Variants in NBPF12 observed in about 807,000 individuals in gnomAD.
The protein encoded by NBPF12 is NBPF member 12.
Under a neutral mutation model 146.4 loss-of-function variants are expected in NBPF12, and 115 were observed. The ratio of observed to expected loss-of-function variants is 0.79; its 90% confidence interval spans 0.68 to 0.92. The LOEUF (loss-of-function observed/expected upper bound fraction) is 0.92, where lower values mean the gene tolerates loss of function less well. NBPF12 is among the 40% of genes least tolerant of loss of function. The probability of loss-of-function intolerance (pLI) is 0.00; values close to 1 mark genes in which losing one functional copy is unlikely to be tolerated. For synonymous variants in NBPF12, 385 were observed against 508.9 expected, an observed-to-expected ratio of 0.76 and a Z score of 3.28; for missense variants, 1,205 against 1,326.8, an observed-to-expected ratio of 0.91 and a Z score of 1.43.
intron 16 of NBPF12, among the ~76,000 whole-genome samples, chr1:146,976,382 G>A (rs1657018303): frequency 7.4e-6 from 1 of 135,404 alleles, no homozygotes; most frequent in Non-Finnish European, 1.5e-5. Flanking sequence ...ATGAGATGAA[G>A]CCCCTCTCCG....
exon 14 of NBPF12, chr1:146,972,859 G>C: frequency 2.4e-6 from 3 of 1,237,178 alleles, no homozygotes; most frequent in Non-Finnish European, 3.6e-6. Context: ...GAGAAGTTGC[G>C]CCCCCAGCTG....
rs1204055102 is a variant in NBPF12, at chr1:146,966,414, T to G, written c.779-50T>G. ...TCCCTCAGTCCTGATTAAGCCTACT[T>G]GATTTCACCAGTTTTTAACCCATCA... On this transcript the variant is annotated intron_variant, in intron 8 of 33. Transcript: ENST00000617844. 3.7e-6 allele frequency: 5 copies of G among 1,340,794 alleles called. No individual in the cohort carries two copies. The African/African-American group carries it at 5.8e-5, about 16-fold the overall frequency. 83.1% of individuals were successfully genotyped at this position (1,340,794 alleles called of 1,614,324 possible).
chr1:146,972,107 A>T (rs1288977381), intron 13 of NBPF12, among the ~76,000 whole-genome samples: 12 of 147,344 alleles, frequency 8.1e-5, no homozygotes, highest in Admixed American at 7.4e-4. Flanking sequence ...AAAAAAAGTA[A>T]GTCTCTGACC....
rs1469957558 is a variant in NBPF12 at position 146,942,321 on chromosome 1, A to G, written c.-821-970A>G. ...TTTTAATAATTTTTATATTTTTCTA[A>G]TTTAAAACAGGTACTAAAATTTCTT... On this transcript the variant is annotated intron_variant, in intron 1 of 35. Transcript: ENST00000617931. 6.0e-5 allele frequency among the ~76,000 whole-genome samples: 9 copies of G among 150,056 alleles called. 1 individual carries two copies. Among genetic ancestry groups the G allele is most frequent in the African/African-American group, 2.2e-4 (9 of 40,604 alleles).
Position 146,992,270 on chromosome 1 carries a change from CTG to C in NBPF12, c.3848+226_3848+227del, listed in dbSNP as rs1379535121. 5.2e-5 allele frequency among the ~76,000 whole-genome samples: 7 copies of C among 133,488 alleles called. 1 individual carries two copies. Among genetic ancestry groups the C allele is most frequent in the Non-Finnish European group, 9.5e-5 (6 of 62,960 alleles). 87.6% of individuals were successfully genotyped at this position (133,488 alleles called of 152,430 possible). On this transcript the variant is annotated intron_variant, in intron 31 of 33. Coordinates refer to ENST00000617844, the Ensembl canonical transcript of NBPF12. ...CTGCAGGTGGACCAGACTTCAAAAACTGTATTCTCATGGTGACTGCATGGAAA... is the reference window on the plus strand; with the variant it reads ...CTGCAGGTGGACCAGACTTCAAAAACTATTCTCATGGTGACTGCATGGAAA...
intron 2 of NBPF12, among the ~76,000 whole-genome samples, chr1:146,954,735 C>T (rs1326229955): frequency 2.0e-5 from 3 of 149,146 alleles, no homozygotes; most frequent in Non-Finnish European, 4.4e-5. Context: ...CAGAATTACT[C>T]TACATACAGC....
chr1:146,971,475 T>A, intron 13 of NBPF12, 81 bp downstream of exon 16: 2 of 1,116,472 alleles, frequency 1.8e-6, no homozygotes, highest in Non-Finnish European at 2.7e-6. Context: ...TATATACACA[T>A]ATTGTTATTG....
intron 8 of NBPF12, among the ~76,000 whole-genome samples, chr1:146,966,107 A>G (rs1656189054): frequency 6.6e-6 from 1 of 151,892 alleles, no homozygotes; most frequent in African/African-American, 2.4e-5. Context: ...ACTCCGTCTC[A>G]AACAGAAAAC....
intron 1 of NBPF12, among the ~76,000 whole-genome samples, chr1:146,940,959 A>G: frequency 6.6e-6 from 1 of 151,912 alleles, no homozygotes; most frequent in East Asian, 1.9e-4. Context: ...TTTTCTGTTG[A>G]TTTGTAATAC....
intron 31 of NBPF12, among the ~76,000 whole-genome samples, chr1:146,992,392 ACTCC>A (rs1658225224): frequency 8.5e-6 from 1 of 118,028 alleles, no homozygotes; most frequent in Admixed American, 9.8e-5. Context: ...GTGTCCTGTT[ACTCC>A]CTCATCAGTG....
chr1:146,995,459 G>C (rs1272397702), exon 34 of NBPF12: 17 of 121,430 alleles, frequency 1.4e-4, no homozygotes, highest in African/African-American at 4.8e-4. Flanking sequence ...AGATATTTTG[G>C]GTTGAAAAAA....
At chr1:146,944,690 G>GTC (rs1310788092), upstream of NBPF12, among the ~76,000 whole-genome samples, 1 of 151,408 alleles carries the variant, frequency 6.6e-6, no homozygotes, top group Non-Finnish European at 1.5e-5. Flanking sequence ...ACAGTAGTGC[G>GTC]TCTCTCTCTA....
intron 9 of NBPF12, among the ~76,000 whole-genome samples, chr1:146,967,486 G>A (rs1193086587): frequency 7.4e-5 from 11 of 149,452 alleles, no homozygotes; most frequent in Admixed American, 4.0e-4. Context: ...GGGTGACAGG[G>A]CAAGACTGTT....
chr1:146,973,208 C>T (rs1553886853), intron 14 of NBPF12, among the ~76,000 whole-genome samples: 24 of 33,622 alleles, frequency 7.1e-4, no homozygotes, highest in African/African-American at 1.8e-3. Flanking sequence ...TTTCTGACAC[C>T]GGCACAGAAT....
chr1:146,971,464 G>C lies in NBPF12; in HGVS notation c.1591+70G>C, dbSNP rs1371616426. On this transcript the variant is annotated intron_variant, in intron 13 of 33. Transcript: ENST00000617844. Reference sequence around the variant, plus strand: ...GGAAGATCAATTCTGAGGACAGGCTGTATATACACATATTGTTATTGTTTT... The same window carrying C: ...GGAAGATCAATTCTGAGGACAGGCTCTATATACACATATTGTTATTGTTTT... The C allele has an allele frequency of 4.9e-6, 6 of 1,223,420 alleles. 1 individual carries two copies. In the African/African-American group the frequency reaches 8.1e-5, roughly 17 times the overall value. 75.8% of individuals were successfully genotyped at this position (1,223,420 alleles called of 1,614,324 possible).
In NBPF12 at chr1:146,988,917, AG is replaced by A. The variant is rs1657968149; in HGVS notation, c.3370del (p.Glu1124LysfsTer41). 1 of 501,632 alleles carries A rather than the reference AG, an allele frequency of 2.0e-6. No homozygotes were observed. The highest frequency in any genetic ancestry group is 2.6e-5 in the African/African-American group (1 of 38,852). The allele number at this position is 501,632 out of a possible 1,614,324, so 31.1% of individuals were successfully genotyped here. A position where few individuals can be genotyped will look rare whatever the true frequency, so the allele number is the denominator to read the frequency against. ...AGAAAAGAAGAAGGGGAAGAAAAGAAGGGGAAGAAGATCAAAACCCACCATG... is the reference window on the plus strand; with the variant it reads ...AGAAAAGAAGAAGGGGAAGAAAAGAAGGGAAGAAGATCAAAACCCACCATG... On this transcript the variant is annotated frameshift_variant, in exon 27 of 34. Transcript: ENST00000617844. LOFTEE classifies it high-confidence loss of function.
chr1:146,939,974 G>A (rs1654720704), intron 1 of NBPF12, among the ~76,000 whole-genome samples: 3 of 94,216 alleles, frequency 3.2e-5, no homozygotes, highest in South Asian at 9.4e-4. Flanking sequence ...GACAGAGCGA[G>A]ACTCCCTCTA....
chr1:146,966,331 C>G (rs1656205168), intron 8 of NBPF12, 133 bp from the exon 12 acceptor site: 3 of 849,514 alleles, frequency 3.5e-6, no homozygotes, highest in South Asian at 2.7e-5. Context: ...CTGGAGATGA[C>G]AAGAGTGAAA....
At chr1:146,970,878 C>T (rs1258145869) in intron 12 of NBPF12, among the ~76,000 whole-genome samples, 159 bp downstream of exon 15, 3 of 151,610 alleles carry the variant, frequency 2.0e-5, no homozygotes, top group East Asian at 1.9e-4. Flanking sequence ...TGGCAGCTGT[C>T]GTGTTTCTGT....
Sources: gnomAD v4.1 joint callset for allele counts (sites outside exome capture counted in the v4.1 genomes callset) on GRCh38, gnomAD v4.1.1 for gene constraint, MANE v1.5 for transcripts, NCBI Gene and HGNC (gene_info 2026-07-23, HGNC 2026-07-21) for gene names.